MAP3K4: variants seen among roughly 807,000 people sequenced by gnomAD.
MAP3K4 encodes mitogen-activated protein kinase kinase kinase 4.
In MAP3K4, 67 loss-of-function variants were observed where a neutral mutation model predicts 185.6. The observed-to-expected ratio is 0.36, with a 90% CI of 0.30 to 0.44. MAP3K4 has a LOEUF of 0.44. Among genes scored for constraint, MAP3K4 ranks in the 20% least tolerant of loss-of-function variants. The pLI is 1.00. For missense variants in MAP3K4, 1,551 were observed against 1,995.1 expected, an observed-to-expected ratio of 0.78 and a Z score of 4.24; for synonymous variants, 702 against 710.4, an observed-to-expected ratio of 0.99 and a Z score of 0.19.
In MAP3K4 at chr6:161,056,927, T is replaced by C. The variant is rs1420838930; in HGVS notation, c.1707+6948T>C. Among the ~76,000 whole-genome samples, 2 of 152,200 alleles carry C rather than the reference T, an allele frequency of 1.3e-5. No homozygotes were observed. The highest frequency in any genetic ancestry group is 4.8e-5 in the African/African-American group (2 of 41,452). ...TCTATGGGTTTTGTGCAATTTAAAA[T>C]GTTAAATACAAAATACTGTAATATG... On this transcript the variant is annotated intron_variant, in intron 3 of 26. Coordinates refer to ENST00000392142, the MANE Select transcript of MAP3K4 (RefSeq NM_005922.4). This position sits in a 1 kb window ranked among gnomAD's most constrained non-coding sequence, Gnocchi z 5.4.
rs1322958013 is a variant in MAP3K4, at chr6:161,070,268, GT to G, written c.1708-339del. On this transcript the variant is annotated intron_variant, in intron 3 of 26. Coordinates refer to ENST00000392142, the MANE Select transcript of MAP3K4 (RefSeq NM_005922.4). The surrounding 1 kb of genome is among the most constrained non-coding windows in gnomAD (Gnocchi z 4.5). ...TCTAGAGATAGTTGTCGATAGTACT[GT>G]ATATAACCTGAAAAATAAAGTGTTC... Among the ~76,000 whole-genome samples the G allele has an allele frequency of 1.3e-5, 2 of 152,074 alleles. No homozygotes were observed. The highest frequency in any genetic ancestry group is 2.9e-5 in the Non-Finnish European group (2 of 68,018).
chr6:161,080,592 T>C lies in MAP3K4; in HGVS notation c.2098-289T>C, dbSNP rs565397712. The C allele has an allele frequency of 2.8e-6, 1 of 363,322 alleles. No individual in the cohort carries two copies. Among genetic ancestry groups the C allele is most frequent in the Admixed American group, 4.7e-5 (1 of 21,446 alleles). 22.5% of individuals were successfully genotyped at this position (363,322 alleles called of 1,614,324 possible). A position where few individuals can be genotyped will look rare whatever the true frequency, so the allele number is the denominator to read the frequency against. On this transcript the variant is annotated intron_variant, in intron 5 of 26. Transcript: ENST00000392142. This position sits in a 1 kb window ranked among gnomAD's most constrained non-coding sequence, Gnocchi z 4.8. ...TGAAAAGTTCTGGGTACTGTTCTTT[T>C]GATTTTTTCCCCTTTATTGTAGATT...
intron 15 of MAP3K4, among the ~76,000 whole-genome samples, chr6:161,095,278 T>C (rs1006954744): frequency 6.6e-5 from 10 of 152,200 alleles, no homozygotes; most frequent in African/African-American, 2.4e-4. Context: ...TGAGCCTCTC[T>C]TTTTAATGAA....
chr6:161,007,229 T>C lies in MAP3K4; in HGVS notation c.152+15146T>C, dbSNP rs1464948209. Among the ~76,000 whole-genome samples, 1 of 152,160 alleles carries C rather than the reference T, an allele frequency of 6.6e-6. No individual in the cohort carries two copies. The highest frequency in any genetic ancestry group is 2.4e-5 in the African/African-American group (1 of 41,434). On this transcript the variant is annotated intron_variant, in intron 1 of 26. Transcript: ENST00000392142. This position sits in a 1 kb window ranked among gnomAD's most constrained non-coding sequence, Gnocchi z 4.5. ...CAAGGTCTTCATCCTGCTTGAGTCCTGGCATCAAAACAAAGGAAAAATACA... is the reference window on the plus strand; with the variant it reads ...CAAGGTCTTCATCCTGCTTGAGTCCCGGCATCAAAACAAAGGAAAAATACA...
chr6:161,033,033 A>G (rs574234757), intron 1 of MAP3K4, among the ~76,000 whole-genome samples: 7 of 152,226 alleles, frequency 4.6e-5, no homozygotes, highest in South Asian at 4.1e-4. Flanking sequence ...TTATTTTTCA[A>G]AAGGTAATTT....
In MAP3K4 at chr6:161,070,903, G is replaced by T; in HGVS notation, c.1950+53G>T. 6.9e-7 allele frequency: 1 copy of T among 1,443,952 alleles called. No individual in the cohort carries two copies. Among genetic ancestry groups the T allele is most frequent in the Non-Finnish European group, 9.2e-7 (1 of 1,088,840 alleles). The allele number at this position is 1,443,952 out of a possible 1,614,324, so 89.4% of individuals were successfully genotyped here. ...TTAGCAATTATTATATTATCCTACA[G>T]GCTTATCATTTTTATTTTGAGAGTT... On this transcript the variant is annotated intron_variant, in intron 4 of 26. Transcript: ENST00000392142. This position sits in a 1 kb window ranked among gnomAD's most constrained non-coding sequence, Gnocchi z 4.5.
chr6:160,999,661 C>G (rs538704725), intron 1 of MAP3K4, among the ~76,000 whole-genome samples: 2 of 152,164 alleles, frequency 1.3e-5, no homozygotes, highest in East Asian at 1.9e-4. Flanking sequence ...GGCTCCAGAT[C>G]TGCAAGCCCT....
chr6:161,001,744 A>G (rs1268443498), intron 1 of MAP3K4, among the ~76,000 whole-genome samples: 1 of 152,222 alleles, frequency 6.6e-6, no homozygotes, highest in Non-Finnish European at 1.5e-5. Flanking sequence ...ATTGTGGGGA[A>G]GTAATTTAGC....
chr6:161,019,422 C>T (rs10080366), intron 1 of MAP3K4, among the ~76,000 whole-genome samples: 4,602 of 152,236 alleles, frequency 0.03, 171 homozygotes, highest in African/African-American at 0.083. Context: ...CTCTTTCTTT[C>T]TATTTTTGAG....
In MAP3K4 at chr6:161,049,300, A is replaced by C. The variant is rs1341701864; in HGVS notation, c.1028A>C (p.His343Pro). The C allele has an allele frequency of 1.9e-6, 3 of 1,614,056 alleles. No homozygotes were observed. Among genetic ancestry groups the C allele is most frequent in the Non-Finnish European group, 2.5e-6 (3 of 1,180,024 alleles). The change falls in exon 3 of 27, where the codon CAT (histidine) becomes CCT (proline). Residue 343 changes from histidine to proline, a missense_variant. Around this residue, in one of 16 missense-constraint regions of MAP3K4, gnomAD observed 93 missense variants for 96.7 expected, o/e 0.96. Coordinates refer to ENST00000392142, the MANE Select transcript of MAP3K4 (RefSeq NM_005922.4). This position sits in a 1 kb window ranked among gnomAD's most constrained non-coding sequence, Gnocchi z 8.4. ...KIVGYSTHHEHLQRQRVSFEQ... is the reference protein window; with the variant it reads ...KIVGYSTHHEPLQRQRVSFEQ... ...GTAGGTTACTCAACACATCATGAGC[A>C]TCTCCAACGCCAGAGGGTCTCATTT... is the stretch of plus-strand genomic sequence containing the variant.
rs767648919 is a variant in MAP3K4, at chr6:161,048,616, A to G, written c.344A>G (p.Glu115Gly). The change falls in exon 3 of 27, where the codon GAA (glutamate) becomes GGA (glycine). Residue 115 changes from glutamate to glycine, a missense_variant and splice_region_variant. Physicochemically the swap from Glu to Gly is moderately conservative, Grantham distance 98 (BLOSUM62 -2). Around this residue, in one of 16 missense-constraint regions of MAP3K4, gnomAD observed 287 missense variants for 268.8 expected, o/e 1.07. Coordinates refer to ENST00000392142, the MANE Select transcript of MAP3K4 (RefSeq NM_005922.4). The surrounding 1 kb of genome is among the most constrained non-coding windows in gnomAD (Gnocchi z 4.7). ...GRPASRSNLK[E>G]KMNAPNQPPH... is the part of the protein sequence containing the mutation. ...TTCTGTTTATTTTTTTTTTTAATAG[A>G]AAAAATGAATGCACCAAATCAGCCT... is the stretch of plus-strand genomic sequence containing the variant. 3 of 1,557,910 alleles carry G rather than the reference A, an allele frequency of 1.9e-6. No homozygotes were observed. The South Asian group carries it at 3.7e-5, about 19-fold the overall frequency.
rs1554271202 is a variant in MAP3K4 at position 161,008,499 on chromosome 6, T to A, written c.152+16416T>A. 6.6e-6 allele frequency among the ~76,000 whole-genome samples: 1 copy of A among 152,208 alleles called. No homozygotes were observed. Among genetic ancestry groups the A allele is most frequent in the Non-Finnish European group, 1.5e-5 (1 of 68,030 alleles). ...GGGAGCTGTATAAGCGTTGACATAATGTGGTAATAGATGAAACAGGAGCTG... is the reference window on the plus strand; with the variant it reads ...GGGAGCTGTATAAGCGTTGACATAAAGTGGTAATAGATGAAACAGGAGCTG... On this transcript the variant is annotated intron_variant, in intron 1 of 26. Transcript: ENST00000392142. The surrounding 1 kb of genome is among the most constrained non-coding windows in gnomAD (Gnocchi z 4.1).
intron 2 of MAP3K4, among the ~76,000 whole-genome samples, chr6:161,047,540 T>C (rs1228371075): frequency 6.6e-6 from 1 of 152,180 alleles, no homozygotes; most frequent in Non-Finnish European, 1.5e-5. Flanking sequence ...TGAAATAAAC[T>C]ATGCCTTGAG....
In MAP3K4 at chr6:161,076,125, G is replaced by T. The variant is rs2114827995; in HGVS notation, c.2097+2513G>T. On this transcript the variant is annotated intron_variant, in intron 5 of 26. Coordinates refer to ENST00000392142, the MANE Select transcript of MAP3K4 (RefSeq NM_005922.4). This position sits in a 1 kb window ranked among gnomAD's most constrained non-coding sequence, Gnocchi z 4.2. ...GACTTAGAATTATTCGCCTTGAAAT[G>T]TAAACTAAAATGAAGGTAAACCCAA... Among the ~76,000 whole-genome samples, 1 of 152,320 alleles carries T rather than the reference G, an allele frequency of 6.6e-6. No homozygotes were observed. The highest frequency in any genetic ancestry group is 2.4e-5 in the African/African-American group (1 of 41,572).
Position 161,049,936 on chromosome 6 carries a change from A to G in MAP3K4, c.1664A>G (p.Gln555Arg). 4 of 1,613,882 alleles carry G rather than the reference A, an allele frequency of 2.5e-6. No homozygotes were observed. Among genetic ancestry groups the G allele is most frequent in the Non-Finnish European group, 3.4e-6 (4 of 1,179,870 alleles). ...CACAAGCTAATGGATGGTTCCTTGC[A>G]AAGGGCACGTATAGCATTGGTAAAG... ...RLHKLMDGSL[Q>R]RARIALVKND... The change falls in exon 3 of 27, where the codon CAA (glutamine) becomes CGA (arginine). Residue 555 changes from glutamine (Q) to arginine (R), a missense_variant. This residue lies in a region of MAP3K4 where 86 missense variants were observed against 81.6 expected (regional missense o/e 1.05). Transcript: ENST00000392142. This position sits in a 1 kb window ranked among gnomAD's most constrained non-coding sequence, Gnocchi z 8.4.
intron 1 of MAP3K4, among the ~76,000 whole-genome samples, chr6:161,009,280 G>A (rs779625534): frequency 1.9e-4 from 29 of 152,206 alleles, no homozygotes; most frequent in East Asian, 9.6e-4. Flanking sequence ...CACCGTGGCC[G>A]CCTGAACCAT....
chr6:161,053,411 A>C lies in MAP3K4; in HGVS notation c.1707+3432A>C, dbSNP rs1784091899. Among the ~76,000 whole-genome samples, 1 of 152,224 alleles carries C rather than the reference A, an allele frequency of 6.6e-6. No homozygotes were observed. The highest frequency in any genetic ancestry group is 2.4e-5 in the African/African-American group (1 of 41,446). ...AAATGGTAAAATGCTCTACAAATCA[A>C]CCATAAACTTTTAGAAGTTTTATTA... is the stretch of plus-strand genomic sequence containing the variant. On this transcript the variant is annotated intron_variant, in intron 3 of 26. Transcript: ENST00000392142. The surrounding 1 kb of genome is among the most constrained non-coding windows in gnomAD (Gnocchi z 4.2).
rs1255453883 is a variant in MAP3K4, at chr6:161,051,383, T to C, written c.1707+1404T>C. The stretch of plus-strand genomic sequence containing the variant: ...TTCTGACAGCCGGATTATGAGCCCT[T>C]AGGAGGAACGGGTTAAGCATTCACA... On this transcript the variant is annotated intron_variant, in intron 3 of 26. Coordinates refer to ENST00000392142, the MANE Select transcript of MAP3K4 (RefSeq NM_005922.4). This position sits in a 1 kb window ranked among gnomAD's most constrained non-coding sequence, Gnocchi z 4.2. Among the ~76,000 whole-genome samples the C allele has an allele frequency of 6.6e-6, 1 of 152,168 alleles. No homozygotes were observed. The highest frequency in any genetic ancestry group is 2.4e-5 in the African/African-American group (1 of 41,434).
rs371405834 is a variant in MAP3K4 at position 161,114,121 on chromosome 6, CAT to C, written c.4627-1001_4627-1000del. ...TTTAGAGAGTATATAAAGAAACACA[CAT>C]GTTTTGGACAGAAATTCCATGTGGT... On this transcript the variant is annotated intron_variant, in intron 25 of 26. Coordinates refer to ENST00000392142, the MANE Select transcript of MAP3K4 (RefSeq NM_005922.4). This position sits in a 1 kb window ranked among gnomAD's most constrained non-coding sequence, Gnocchi z 4.3. Among the ~76,000 whole-genome samples the C allele has an allele frequency of 1.7e-3, 259 of 152,220 alleles. 10 individuals are homozygous for C. In the South Asian group the frequency reaches 0.05, roughly 30 times the overall value.
Sources: allele counts gnomAD v4.1 joint callset (sites outside exome capture counted in the v4.1 genomes callset), GRCh38; gene constraint gnomAD v4.1.1; regional missense constraint gnomAD v4.1.1; non-coding constraint Gnocchi (gnomAD v3.1); transcripts MANE v1.5; gene names NCBI Gene and HGNC (gene_info 2026-07-23, HGNC 2026-07-21).